TSPAN9: variants seen among roughly 807,000 people sequenced by gnomAD.
TSPAN9 encodes the protein tetraspanin 9.
In TSPAN9, 16 loss-of-function variants were observed where a neutral mutation model predicts 31.0. That is an observed-to-expected ratio of 0.52 (90% CI 0.35 to 0.78). The LOEUF (loss-of-function observed/expected upper bound fraction) is 0.78, where lower values mean the gene tolerates loss of function less well. TSPAN9 is among the 30% of genes least tolerant of loss of function. TSPAN9 has a pLI of 0.01. For synonymous variants in TSPAN9, 145 were observed against 121.6 expected (o/e 1.19, Z -1.27); for missense variants, 272 against 312.5 (o/e 0.87, Z 0.98).
intron 2 of TSPAN9, among the ~76,000 whole-genome samples, chr12:3,105,803 T>TGCGCACACACGCACACGCGCACAC (rs2098314221): frequency 1.0e-5 from 1 of 100,398 alleles, no homozygotes; most frequent in Non-Finnish European, 2.4e-5. Flanking sequence ...CACGCACACA[T>TGCGCACACACGCACACGCGCACAC]GCGCACACAC....
At chr12:3,190,466 A>G (rs2098363761) in intron 2 of TSPAN9, among the ~76,000 whole-genome samples, 1 of 152,144 alleles carries the variant, frequency 6.6e-6, no homozygotes, top group African/African-American at 2.4e-5. Context: ...GTGTGTGCAT[A>G]TGTGTATGGG....
At chr12:3,257,360 A>G (rs958613524) in intron 3 of TSPAN9, among the ~76,000 whole-genome samples, 13 of 151,790 alleles carry the variant, frequency 8.6e-5, no homozygotes, top group African/African-American at 3.1e-4. Context: ...CAAGTGGAGG[A>G]TGCTGCTCTA....
chr12:3,144,005 G>A (rs775492636), intron 2 of TSPAN9, among the ~76,000 whole-genome samples: 2 of 152,124 alleles, frequency 1.3e-5, no homozygotes, highest in Admixed American at 1.3e-4. Context: ...GTCAACCCAG[G>A]CATGGACACA....
rs1015626649 is a variant in TSPAN9, at chr12:3,147,628, C to T, written c.-17-53549C>T. 3.9e-5 allele frequency among the ~76,000 whole-genome samples: 6 copies of T among 152,342 alleles called. No homozygotes were observed. The highest frequency in any genetic ancestry group is 1.4e-4 in the African/African-American group (6 of 41,570). ...TCTGTACCGCCCAGTACAGTAGCCA[C>T]CGGCTACATGTGGCCGTTGAGCATT... On this transcript the variant is annotated intron_variant, in intron 2 of 8. Coordinates refer to ENST00000011898, the MANE Select transcript of TSPAN9 (RefSeq NM_006675.5). The surrounding 1 kb of genome is among the most constrained non-coding windows in gnomAD (Gnocchi z 4.3).
chr12:3,090,415 T>A (rs911901420), intron 2 of TSPAN9, among the ~76,000 whole-genome samples: 2 of 152,234 alleles, frequency 1.3e-5, no homozygotes, highest in African/African-American at 4.8e-5. Flanking sequence ...CTGGTAGCTC[T>A]GCAGGCCCTG....
At chr12:3,189,200 A>G (rs190811454) in intron 2 of TSPAN9, among the ~76,000 whole-genome samples, 2 of 152,302 alleles carry the variant, frequency 1.3e-5, no homozygotes, top group Admixed American at 1.3e-4. Flanking sequence ...CATCTCCTCA[A>G]GGCTGAGCAG....
chr12:3,265,542 G>C (rs529666900), intron 3 of TSPAN9, among the ~76,000 whole-genome samples: 8 of 152,288 alleles, frequency 5.3e-5, no homozygotes, highest in Admixed American at 6.5e-5. Context: ...GAGAGTGGTG[G>C]AGCCAACAGC....
At chr12:3,260,996 A>T (rs930954023) in intron 3 of TSPAN9, among the ~76,000 whole-genome samples, 2 of 152,094 alleles carry the variant, frequency 1.3e-5, no homozygotes, top group African/African-American at 4.8e-5. Context: ...TCGGGTCTGG[A>T]AGGTGTGATG....
chr12:3,240,022 C>T (rs1458019421), intron 3 of TSPAN9, among the ~76,000 whole-genome samples: 1 of 20,022 alleles, frequency 5.0e-5, no homozygotes, highest in East Asian at 1.1e-3. Context: ...CCCTATTACT[C>T]CCTTTTTTTT....
chr12:3,266,232 A>C (rs1359482703), intron 3 of TSPAN9, among the ~76,000 whole-genome samples: 1 of 152,086 alleles, frequency 6.6e-6, no homozygotes, highest in Non-Finnish European at 1.5e-5. Context: ...CAGCAGCAGG[A>C]GGTGGTGGGT....
intron 3 of TSPAN9, among the ~76,000 whole-genome samples, chr12:3,229,216 G>T (rs2098389412): frequency 6.6e-6 from 1 of 152,190 alleles, no homozygotes; most frequent in Non-Finnish European, 1.5e-5. Flanking sequence ...TTGGGGGGTT[G>T]GTCCCATTTC....
chr12:3,214,369 T>G (rs2098380280), intron 3 of TSPAN9, among the ~76,000 whole-genome samples: 1 of 152,226 alleles, frequency 6.6e-6, no homozygotes, highest in Non-Finnish European at 1.5e-5. Context: ...GTGCTCAGTG[T>G]GCTGGAACTC....
chr12:3,086,806 A>AT (rs2098300743), intron 2 of TSPAN9, among the ~76,000 whole-genome samples: 1 of 152,238 alleles, frequency 6.6e-6, no homozygotes, highest in Admixed American at 6.5e-5. Flanking sequence ...TAAAGTGAAT[A>AT]TATTATTGTA....
At chr12:3,268,346 C>G (rs1305419660) in intron 3 of TSPAN9, among the ~76,000 whole-genome samples, 3 of 113,356 alleles carry the variant, frequency 2.6e-5, no homozygotes, top group African/African-American at 7.1e-5. Flanking sequence ...CCTGCCCTCT[C>G]TGTGTTCCTG....
At chr12:3,220,165 G>T (rs2098383666) in intron 3 of TSPAN9, among the ~76,000 whole-genome samples, 1 of 142,632 alleles carries the variant, frequency 7.0e-6, no homozygotes, top group Non-Finnish European at 1.5e-5. Context: ...AAAAAGGAAT[G>T]AATCTAGGAA....
At chr12:3,266,364 G>A (rs1291712947) in intron 3 of TSPAN9, among the ~76,000 whole-genome samples, 4 of 152,190 alleles carry the variant, frequency 2.6e-5, no homozygotes, top group African/African-American at 9.7e-5. Context: ...AATTAAATGA[G>A]GCTATAGAGG....
intron 3 of TSPAN9, among the ~76,000 whole-genome samples, chr12:3,202,931 C>T (rs917764132): frequency 6.6e-6 from 1 of 152,248 alleles, no homozygotes; most frequent in Non-Finnish European, 1.5e-5. Flanking sequence ...TGTGACCCAT[C>T]TGCCAGCATC....
intron 3 of TSPAN9, among the ~76,000 whole-genome samples, chr12:3,235,271 T>A (rs1451126655): frequency 2.2e-5 from 2 of 91,124 alleles, no homozygotes; most frequent in Non-Finnish European, 4.0e-5. Flanking sequence ...TATATATATA[T>A]GTAAGTGAAT....
At chr12:3,226,698 GTGTGTGTGTATGTGTATGTA>G (rs1565622274) in intron 3 of TSPAN9, among the ~76,000 whole-genome samples, 1 of 40,842 alleles carries the variant, frequency 2.4e-5, no homozygotes, top group African/African-American at 1.1e-4. Flanking sequence ...GTGTGTGTGT[GTGTGTGTGTATGTGTATGTA>G]TGTGTGTGTG....
Sources: allele counts gnomAD v4.1 joint callset (sites outside exome capture counted in the v4.1 genomes callset), GRCh38; gene constraint gnomAD v4.1.1; non-coding constraint Gnocchi (gnomAD v3.1); transcripts MANE v1.5; gene names NCBI Gene and HGNC (gene_info 2026-07-23, HGNC 2026-07-21).